MBD5: variants seen among roughly 807,000 people sequenced by gnomAD.
The protein encoded by MBD5 is methyl-CpG binding domain protein 5.
A neutral mutation model predicts 117.3 loss-of-function variants in MBD5; 13 were observed. The ratio of observed to expected loss-of-function variants is 0.11; its 90% CI spans 0.07 to 0.18. The LOEUF is 0.18. MBD5 is among the 10% of genes least tolerant of loss of function. MBD5 has a pLI of 1.00. For missense variants in MBD5, 1,879 were observed against 2,093.8 expected, an observed-to-expected ratio of 0.90 and a Z score of 2.00; for synonymous variants, 727 against 766.4, an observed-to-expected ratio of 0.95 and a Z score of 0.85.
At chr2:148,480,259 A>G (rs1270521926) in intron 8 of MBD5, among the ~76,000 whole-genome samples, 5 of 152,114 alleles carry the variant, frequency 3.3e-5, no homozygotes, top group East Asian at 3.8e-4. Context: ...TAATTCTTCA[A>G]TAATATTTAG....
intron 4 of MBD5, among the ~76,000 whole-genome samples, chr2:148,366,398 T>C (rs1703699620): frequency 6.6e-6 from 1 of 152,056 alleles, no homozygotes; most frequent in East Asian, 1.9e-4. Flanking sequence ...CCGGAAGCAT[T>C]CCCTCTGAAA....
At chr2:148,035,058 A>G (rs937784754) in intron 1 of MBD5, among the ~76,000 whole-genome samples, 3 of 152,166 alleles carry the variant, frequency 2.0e-5, no homozygotes, top group African/African-American at 4.8e-5. Flanking sequence ...TGTCATGACT[A>G]TGAATGATAG....
chr2:148,121,683 G>GTAGT (rs1308677124), intron 1 of MBD5, among the ~76,000 whole-genome samples: 1 of 152,036 alleles, frequency 6.6e-6, no homozygotes, highest in African/African-American at 2.4e-5. Flanking sequence ...GTTTTGATAT[G>GTAGT]TAGTTAGCTA....
intron 3 of MBD5, among the ~76,000 whole-genome samples, chr2:148,272,866 G>C (rs574040958): frequency 1.3e-5 from 2 of 152,122 alleles, no homozygotes; most frequent in South Asian, 2.1e-4. Context: ...TTATGTATCT[G>C]TGTATTTTCC....
At chr2:148,240,220 G>A (rs1436266058) in intron 3 of MBD5, among the ~76,000 whole-genome samples, 1 of 152,142 alleles carries the variant, frequency 6.6e-6, no homozygotes, top group Non-Finnish European at 1.5e-5. Flanking sequence ...TGAACAATGA[G>A]AACGCTTGGA....
At chr2:148,470,498 A>G in intron 8 of MBD5, 37 bp downstream of exon 8, 1 of 1,505,422 alleles carries the variant, frequency 6.6e-7, no homozygotes, top group Non-Finnish European at 8.9e-7. Flanking sequence ...CAAAGGTACT[A>G]AACTTTTCTA....
At chr2:148,443,328 A>C (rs1488961909) in intron 4 of MBD5, among the ~76,000 whole-genome samples, 9 of 151,374 alleles carry the variant, frequency 5.9e-5, no homozygotes, top group Admixed American at 5.9e-4. Context: ...AAGAGAGAAC[A>C]GTTTGGAGGT....
At chr2:148,400,992 G>A (rs993487817) in intron 4 of MBD5, among the ~76,000 whole-genome samples, 1 of 152,076 alleles carries the variant, frequency 6.6e-6, no homozygotes, top group African/African-American at 2.4e-5. Context: ...ATAAATCTGT[G>A]GATGGTTGTT....
chr2:148,327,173 C>T (rs190080236), intron 3 of MBD5, among the ~76,000 whole-genome samples: 1 of 152,226 alleles, frequency 6.6e-6, no homozygotes, highest in East Asian at 1.9e-4. Context: ...CCTGAACTCT[C>T]TTCTGGCTTG....
intron 4 of MBD5, among the ~76,000 whole-genome samples, chr2:148,426,326 A>C (rs1425389362): frequency 1.3e-5 from 2 of 152,198 alleles, no homozygotes; most frequent in Non-Finnish European, 2.9e-5. Flanking sequence ...GGAACCAAAA[A>C]AGAGCCCGCA....
At chr2:148,471,466 G>A (rs921611924) in intron 8 of MBD5, 2 of 152,138 alleles carry the variant, frequency 1.3e-5, no homozygotes, top group Admixed American at 6.6e-5. Context: ...TGAAAACAGT[G>A]TGCTATGAAA....
At chr2:148,419,513 C>T (rs1705530791) in intron 4 of MBD5, among the ~76,000 whole-genome samples, 1 of 151,936 alleles carries the variant, frequency 6.6e-6, no homozygotes, top group African/African-American at 2.4e-5. Context: ...TCAATTGCTC[C>T]AATATCATTT....
At chr2:148,032,418 G>A (rs1211279495) in intron 1 of MBD5, among the ~76,000 whole-genome samples, 3 of 152,100 alleles carry the variant, frequency 2.0e-5, no homozygotes, top group Non-Finnish European at 4.4e-5. Context: ...TGGAGGAAGT[G>A]TTTATTTAGC....
intron 4 of MBD5, among the ~76,000 whole-genome samples, chr2:148,397,144 T>G (rs570993578): frequency 2.0e-5 from 3 of 152,182 alleles, no homozygotes; most frequent in African/African-American, 7.2e-5. Flanking sequence ...CCTTAATACA[T>G]CTCTATGAAT....
chr2:148,340,155 G>T (rs747288623), intron 3 of MBD5, among the ~76,000 whole-genome samples: 4 of 152,060 alleles, frequency 2.6e-5, no homozygotes, highest in South Asian at 2.1e-4. Context: ...GACAAGCCAG[G>T]GTTCTCAAGT....
intron 3 of MBD5, among the ~76,000 whole-genome samples, chr2:148,261,510 C>T (rs1700732895): frequency 6.6e-6 from 1 of 152,198 alleles, no homozygotes; most frequent in Non-Finnish European, 1.5e-5. Context: ...GCTTCCTCAC[C>T]TCTCTCAGCC....
intron 1 of MBD5, among the ~76,000 whole-genome samples, chr2:148,157,446 A>G (rs1245709041): frequency 1.3e-5 from 2 of 152,158 alleles, no homozygotes; most frequent in Non-Finnish European, 2.9e-5. Flanking sequence ...CAAAGTGAGT[A>G]CTTAAGTCCT....
intron 4 of MBD5, among the ~76,000 whole-genome samples, chr2:148,450,023 A>G (rs1056226984): frequency 2.0e-5 from 3 of 152,070 alleles, no homozygotes; most frequent in African/African-American, 7.2e-5. Flanking sequence ...TTTGTAAATT[A>G]AGATTATAAT....
At chr2:148,177,655 A>G (rs1698423108) in intron 1 of MBD5, among the ~76,000 whole-genome samples, 1 of 152,216 alleles carries the variant, frequency 6.6e-6, no homozygotes, top group Non-Finnish European at 1.5e-5. Context: ...TTGTTTCTCA[A>G]CTGGAGAAAA....
Sources: allele counts gnomAD v4.1 joint callset (sites outside exome capture counted in the v4.1 genomes callset), GRCh38; gene constraint gnomAD v4.1.1; transcripts MANE v1.5; gene names NCBI Gene and HGNC (gene_info 2026-07-23, HGNC 2026-07-21).